The following CAB39 variants were observed in gnomAD, a reference collection of about 807,000 sequenced individuals.
CAB39 encodes calcium-binding protein 39.
A neutral mutation model predicts 40.0 loss-of-function variants in CAB39; 8 were observed. The ratio of observed to expected loss-of-function variants is 0.20; its 90% confidence interval spans 0.12 to 0.36. CAB39 has a LOEUF of 0.36. Among genes scored for constraint, CAB39 ranks in the 10% least tolerant of loss-of-function variants. CAB39 has a pLI of 1.00. For synonymous variants in CAB39, 156 were observed against 141.6 expected (o/e 1.10, Z -0.72); for missense variants, 270 against 401.1 (o/e 0.67, Z 2.79).
rs1285399723 is a variant in CAB39 at position 230,820,134 on chromosome 2, A to T, written c.*1430A>T. The T allele has an allele frequency of 6.6e-6, 1 of 152,666 alleles. No homozygotes were observed. The highest frequency in any genetic ancestry group is 1.5e-5 in the Non-Finnish European group (1 of 68,040). 9.5% of individuals were successfully genotyped at this position (152,666 alleles called of 1,614,324 possible). A position where few individuals can be genotyped will look rare whatever the true frequency, so the allele number is the denominator to read the frequency against. ...TAGACTATATCTATGTAAAGTTATT[A>T]GAATGGTATCTGTTCATTTTAGTGA... On this transcript the variant is annotated 3_prime_UTR_variant, in exon 9 of 9. Transcript: ENST00000258418.
chr2:230,754,341 T>A lies in CAB39; in HGVS notation c.-43-5618T>A, dbSNP rs1238601655. Reference sequence around the variant, plus strand: ...TTCCTTCTTCCTTCTTCTTCCTTCCTCTTCTTCCTTCCTCTTCTTCCGTCC... The same window carrying A: ...TTCCTTCTTCCTTCTTCTTCCTTCCACTTCTTCCTTCCTCTTCTTCCGTCC... On this transcript the variant is annotated intron_variant, in intron 1 of 8. Coordinates refer to ENST00000258418, the MANE Select transcript of CAB39 (RefSeq NM_016289.4). 4.9e-5 allele frequency among the ~76,000 whole-genome samples: 5 copies of A among 101,512 alleles called. No homozygotes were observed. The South Asian group carries it at 9.8e-4, about 20-fold the overall frequency. 66.6% of individuals were successfully genotyped at this position (101,512 alleles called of 152,430 possible). A position where few individuals can be genotyped will look rare whatever the true frequency, so the allele number is the denominator to read the frequency against.
In CAB39 at chr2:230,820,001, A is replaced by T. The variant is rs1013034620; in HGVS notation, c.*1297A>T. The T allele has an allele frequency of 6.6e-6, 1 of 152,480 alleles. No individual in the cohort carries two copies. The highest frequency in any genetic ancestry group is 2.4e-5 in the African/African-American group (1 of 41,390). 9.4% of individuals were successfully genotyped at this position (152,480 alleles called of 1,614,324 possible). ...TCATAGGTGTCCTATGGGGAAATTT[A>T]TTTTTTTTAATGTCCTGTTCCTTAA... On this transcript the variant is annotated 3_prime_UTR_variant, in exon 9 of 9. Coordinates refer to ENST00000258418, the MANE Select transcript of CAB39 (RefSeq NM_016289.4).
chr2:230,817,421 AT>A (rs1338314518), intron 7 of CAB39, among the ~76,000 whole-genome samples: 4 of 152,046 alleles, frequency 2.6e-5, no homozygotes, highest in African/African-American at 9.7e-5. Flanking sequence ...ATTTTCTTGA[AT>A]AGTTTCTTTT....
Position 230,783,442 on chromosome 2 carries a change from A to AGTTTTGTTTTGTTTTGTTTTGTTTT in CAB39, c.115-7415_115-7391dup, listed in dbSNP as rs57684093. Among the ~76,000 whole-genome samples, 896 of 148,982 alleles carry AGTTTTGTTTTGTTTTGTTTTGTTTT rather than the reference A, an allele frequency of 6.0e-3. 6 individuals are homozygous for AGTTTTGTTTTGTTTTGTTTTGTTTT. Among genetic ancestry groups the AGTTTTGTTTTGTTTTGTTTTGTTTT allele is most frequent in the Middle Eastern group, 0.02 (6 of 294 alleles). On this transcript the variant is annotated intron_variant, in intron 2 of 8. Transcript: ENST00000258418. The stretch of plus-strand genomic sequence containing the variant: ...CTTAGAGGGAAGTCTGTTCTTGTCT[A>AGTTTTGTTTTGTTTTGTTTTGTTTT]GTTTTGTTTTGTTTTGTTTTGTTTT...
intron 2 of CAB39, among the ~76,000 whole-genome samples, chr2:230,764,505 G>A (rs1695349035): frequency 6.6e-6 from 1 of 152,174 alleles, no homozygotes; most frequent in Non-Finnish European, 1.5e-5. Flanking sequence ...GAGCATCTGT[G>A]TTGGATCACT....
At chr2:230,799,352 G>A (rs1228799653) in intron 5 of CAB39, among the ~76,000 whole-genome samples, 3 of 152,182 alleles carry the variant, frequency 2.0e-5, no homozygotes, top group East Asian at 3.8e-4. Context: ...GGACAGGCCC[G>A]AGGAAACAGT....
intron 2 of CAB39, among the ~76,000 whole-genome samples, chr2:230,767,268 G>A (rs976480345): frequency 6.6e-6 from 1 of 152,086 alleles, no homozygotes; most frequent in Non-Finnish European, 1.5e-5. Flanking sequence ...CAGGCCAAAA[G>A]TCTTAAGGGT....
chr2:230,819,772 A>T lies in CAB39; in HGVS notation c.*1068A>T, dbSNP rs149227901. 6.6e-6 allele frequency: 1 copy of T among 152,286 alleles called. No individual in the cohort carries two copies. Among genetic ancestry groups the T allele is most frequent in the Admixed American group, 6.5e-5 (1 of 15,286 alleles). The allele number at this position is 152,286 out of a possible 1,614,324, so 9.4% of individuals were successfully genotyped here. A position where few individuals can be genotyped will look rare whatever the true frequency, so the allele number is the denominator to read the frequency against. On this transcript the variant is annotated 3_prime_UTR_variant, in exon 9 of 9. Transcript: ENST00000258418. ...AGTCAGCCACACCTTCCTGCATCCT[A>T]TTGGCCTTATTCATTTTAAATGAGT...
chr2:230,803,082 G>A (rs536158327), intron 5 of CAB39, among the ~76,000 whole-genome samples: 4 of 152,254 alleles, frequency 2.6e-5, no homozygotes, highest in Middle Eastern at 3.4e-3. Context: ...TCATCCCTTC[G>A]ATGCAATGCT....
chr2:230,807,250 C>T (rs3792071), intron 5 of CAB39, among the ~76,000 whole-genome samples: 18,259 of 151,916 alleles, frequency 0.12, 1,323 homozygotes, highest in Middle Eastern at 0.16. Context: ...TTGAGCTGTC[C>T]GAAGTTTTTG....
chr2:230,775,346 C>G (rs1695568172), intron 2 of CAB39, among the ~76,000 whole-genome samples: 1 of 151,658 alleles, frequency 6.6e-6, no homozygotes, highest in African/African-American at 2.4e-5. Context: ...ACTGGTTCTC[C>G]TGCCTCAGCC....
intron 2 of CAB39, among the ~76,000 whole-genome samples, chr2:230,761,593 T>A (rs1298972306): frequency 3.9e-5 from 6 of 152,336 alleles, no homozygotes; most frequent in African/African-American, 1.4e-4. Flanking sequence ...TCAGGTGAGT[T>A]TGAGGAGTAT....
chr2:230,808,262 A>G lies in CAB39; in HGVS notation c.568-2001A>G, dbSNP rs574095039. Among the ~76,000 whole-genome samples the G allele has an allele frequency of 3.1e-4, 47 of 151,736 alleles. No homozygotes were observed. In the South Asian group the frequency reaches 7.1e-3, roughly 23 times the overall value. On this transcript the variant is annotated intron_variant, in intron 5 of 8. Transcript: ENST00000258418. Reference sequence around the variant, plus strand: ...TCACCACACCCAGCTAGGTTTTTGTATTTAGTAGAGACAGGGTTTCACCAT... The same window carrying G: ...TCACCACACCCAGCTAGGTTTTTGTGTTTAGTAGAGACAGGGTTTCACCAT...
At chr2:230,739,137 C>T (rs1408591647) in intron 1 of CAB39, among the ~76,000 whole-genome samples, 3 of 152,210 alleles carry the variant, frequency 2.0e-5, no homozygotes, top group Non-Finnish European at 4.4e-5. Context: ...GTGGGTGAGG[C>T]TGTGATGTTT....
intron 1 of CAB39, among the ~76,000 whole-genome samples, chr2:230,751,898 A>G (rs1261901429): frequency 2.6e-5 from 4 of 152,014 alleles, no homozygotes; most frequent in East Asian, 1.9e-4. Flanking sequence ...TCACTTTTCT[A>G]CCTTATGTAA....
At chr2:230,770,121 C>A (rs1695456802) in intron 2 of CAB39, among the ~76,000 whole-genome samples, 1 of 150,916 alleles carries the variant, frequency 6.6e-6, no homozygotes, top group Admixed American at 6.6e-5. Flanking sequence ...ACTAGAAAAA[C>A]AAGAGCAAAT....
chr2:230,755,208 T>A (rs921148724), intron 1 of CAB39, among the ~76,000 whole-genome samples: 1 of 152,196 alleles, frequency 6.6e-6, no homozygotes, highest in African/African-American at 2.4e-5. Flanking sequence ...CTTTAAGGAA[T>A]CACCACATTG....
intron 1 of CAB39, among the ~76,000 whole-genome samples, chr2:230,737,465 G>A (rs564543751): frequency 3.3e-5 from 5 of 152,244 alleles, no homozygotes; most frequent in East Asian, 1.9e-4. Context: ...GAGATTGGCC[G>A]TATGGTTAAC....
chr2:230,786,822 AATACATGCAG>A (rs1307160000), intron 2 of CAB39, among the ~76,000 whole-genome samples: 1 of 152,250 alleles, frequency 6.6e-6, no homozygotes, highest in Non-Finnish European at 1.5e-5. Flanking sequence ...TAGAAAACCC[AATACATGCAG>A]ATAGATTGTA....
Sources: gnomAD v4.1 joint callset for allele counts (sites outside exome capture counted in the v4.1 genomes callset) on GRCh38, gnomAD v4.1.1 for gene constraint, MANE v1.5 for transcripts, NCBI Gene and HGNC (gene_info 2026-07-23, HGNC 2026-07-21) for gene names.